Variants in TTN observed in about 807,000 individuals in gnomAD.
TTN encodes the protein titin.
Under a neutral mutation model 3,223.0 loss-of-function variants are expected in TTN, and 1,525 were observed. The ratio of observed to expected loss-of-function variants is 0.47; its 90% CI spans 0.45 to 0.49. The LOEUF (loss-of-function observed/expected upper bound fraction) is 0.49. Among genes scored for constraint, TTN ranks in the 20% least tolerant of loss-of-function variants. TTN has a pLI of 0.00. For synonymous variants in TTN, 14,094 were observed against 15,161.0 expected (o/e 0.93, Z 5.17); for missense variants, 40,786 against 43,424.0 (o/e 0.94, Z 5.40).
At chr2:178,631,397 A>G in intron 236 of TTN, 97 bp from the exon 237 acceptor site, 5 of 1,312,688 alleles carry the variant, frequency 3.8e-6, no homozygotes, top group Non-Finnish European at 5.1e-6. Context: ...AGTTCTGAGT[A>G]TCTTTTAAAA....
intron 137 of TTN, 72 bp downstream of exon 137, chr2:178,681,304 C>T (rs1025599951): frequency 2.7e-5 from 40 of 1,480,634 alleles, no homozygotes; most frequent in Middle Eastern, 1.7e-4. Context: ...GACCATCAGA[C>T]GGGCTAGGAA....
Position 178,605,484 on chromosome 2 carries a change from G to T in TTN, c.53811C>A (p.Val17937=). ...TTTCACCAATTTCATTGACAGCTTT[G>T]ACACGGAACTCATACATTTGGTGTT... ...LDEHQMYEFR[V]KAVNEIGESE... Residue 17937 remains valine, a synonymous_variant, in exon 279 of 363, where the codon GTC becomes GTA. Transcript: ENST00000589042. 6.2e-7 allele frequency: 1 copy of T among 1,612,054 alleles called. No individual in the cohort carries two copies. Among genetic ancestry groups the T allele is most frequent in the South Asian group, 1.1e-5 (1 of 90,882 alleles).
At position 178,610,985 on chromosome 2, in the gene TTN, A is replaced by ATGAT. The variant is rs1294821357; in HGVS notation, c.51136+4_51136+7dup. ...AGAATGTCTGGTTTTTCTTCAAAGA[A>ATGAT]TGATTACCTATGACTTTGACATTGA... On this transcript the variant is annotated splice_region_variant and intron_variant, in intron 270 of 362. Transcript: ENST00000589042. 6.2e-7 allele frequency: 1 copy of ATGAT among 1,610,344 alleles called. No individual in the cohort carries two copies.
At chr2:178,583,949 G>A in intron 311 of TTN, 43 bp from the exon 312 acceptor site, 1 of 1,460,076 alleles carries the variant, frequency 6.8e-7, no homozygotes, top group South Asian at 1.5e-5. Context: ...CTTACCAGCA[G>A]AAGTTTAAAC....
intron 47 of TTN, chr2:178,751,334 A>C: frequency 6.2e-7 from 1 of 1,609,772 alleles, no homozygotes; most frequent in Non-Finnish European, 8.5e-7. Context: ...ACTTTCACCT[A>C]CATTAAGCCA....
chr2:178,635,932 G>A lies in TTN; in HGVS notation c.41608+31C>T, dbSNP rs758781375. The A allele has an allele frequency of 4.5e-6, 7 of 1,551,904 alleles. No homozygotes were observed. The South Asian group carries it at 5.0e-5, about 11-fold the overall frequency. ...TTCCATTTTCTTAGTGTAACAATAA[G>A]CAGAACGAAATCTCCCAGGAAAGTA... On this transcript the variant is annotated intron_variant, in intron 226 of 362. Transcript: ENST00000589042.
intron 214 of TTN, 36 bp from the exon 215 acceptor site, chr2:178,647,180 T>G (rs1288236054): frequency 6.2e-6 from 8 of 1,286,418 alleles, no homozygotes; most frequent in Non-Finnish European, 8.4e-6. Flanking sequence ...TAGACTATAT[T>G]TAGAACAGAA....
In TTN at chr2:178,530,238, T is replaced by C. The variant is rs976515961; in HGVS notation, c.106374+3A>G. The C allele has an allele frequency of 3.1e-6, 5 of 1,589,662 alleles. No individual in the cohort carries two copies. The highest frequency in any genetic ancestry group is 4.3e-6 in the Non-Finnish European group (5 of 1,169,354). Reference sequence around the variant, plus strand: ...AAGAAAGAGACATTTAAGAACTGGTTACCTTTCCATCTTTTGTCCAGATGG... The same window carrying C: ...AAGAAAGAGACATTTAAGAACTGGTCACCTTTCCATCTTTTGTCCAGATGG... On this transcript the variant is annotated splice_donor_region_variant and intron_variant, in intron 358 of 362. Coordinates refer to ENST00000589042, the MANE Select transcript of TTN (RefSeq NM_001267550.2).
At position 178,770,310 on chromosome 2, in the gene TTN, G is replaced by T. The variant is rs754702632; in HGVS notation, c.8391C>A (p.Ile2797=). The change falls in exon 36 of 363, where the codon ATC becomes ATA. Residue 2797 remains isoleucine (I), a synonymous_variant. Coordinates refer to ENST00000589042, the MANE Select transcript of TTN (RefSeq NM_001267550.2). The part of the protein sequence containing the change: ...SARLHVETVK[I]IKKPKDVTAL... ...CTGTCACATCCTTTGGCTTTTTAATGATCTTGACAGCTAAGAGGAAAATTG... is the reference window on the plus strand; with the variant it reads ...CTGTCACATCCTTTGGCTTTTTAATTATCTTGACAGCTAAGAGGAAAATTG... 3 of 1,614,112 alleles carry T rather than the reference G, an allele frequency of 1.9e-6. No individual in the cohort carries two copies. In the South Asian group the frequency reaches 3.3e-5, roughly 18 times the overall value.
intron 99 of TTN, among the ~76,000 whole-genome samples, chr2:178,708,214 C>A (rs762364022): frequency 6.6e-6 from 1 of 152,136 alleles, no homozygotes; most frequent in Non-Finnish European, 1.5e-5. Context: ...TTATCTCCAG[C>A]GGCAATGATT....
intron 204 of TTN, 54 bp from the exon 205 acceptor site, chr2:178,652,021 T>C: frequency 1.2e-6 from 2 of 1,610,746 alleles, no homozygotes; most frequent in Non-Finnish European, 8.5e-7. Flanking sequence ...CTGAGATAGT[T>C]TGCAAAAAAA....
Position 178,559,574 on chromosome 2 carries a change from G to C in TTN, c.86558C>G (p.Thr28853Ser). 1 of 1,613,854 alleles carries C rather than the reference G, an allele frequency of 6.2e-7. No individual in the cohort carries two copies. Among genetic ancestry groups the C allele is most frequent in the African/African-American group, 1.3e-5 (1 of 75,054 alleles). Residue 28853 changes from threonine to serine, a missense_variant, in exon 326 of 363, where the codon ACT becomes AGT. Transcript: ENST00000589042. Reference protein sequence around the residue: ...LDTPGPPTNITVQDVTKESAV... With the variant: ...LDTPGPPTNISVQDVTKESAV... The stretch of plus-strand genomic sequence containing the variant: ...AGACTCTTTGGTTACATCTTGCACA[G>C]TAATGTTGGTTGGAGGACCTGGGGT...
Position 178,529,199 on chromosome 2 carries a change from G to T in TTN, c.106552C>A (p.Gln35518Lys), listed in dbSNP as rs759623627. ...GAAGTCTTTTGTGTAGAGACTTTCT[G>T]TGCCTCAGTATCTTTTATAGCTAAA... ...TIKAIKDTEA[Q>K]KVSTQKTSEI... Residue 35518 changes from glutamine (Q) to lysine (K), a missense_variant, in exon 360 of 363, where the codon CAG becomes AAG. Physicochemically the swap from Gln to Lys is moderately conservative, Grantham distance 53. Coordinates refer to ENST00000589042, the MANE Select transcript of TTN (RefSeq NM_001267550.2). 2.7e-6 allele frequency: 4 copies of T among 1,497,044 alleles called. No individual in the cohort carries two copies. The South Asian group carries it at 5.6e-5, about 21-fold the overall frequency. 92.7% of individuals were successfully genotyped at this position (1,497,044 alleles called of 1,614,324 possible). A position where few individuals can be genotyped will look rare whatever the true frequency, so the allele number is the denominator to read the frequency against.
rs1213561769 is a variant in TTN at position 178,588,954 on chromosome 2, G to A, written c.62771C>T (p.Thr20924Ile). The change falls in exon 304 of 363, where the codon ACA becomes ATA. Residue 20924 changes from threonine (T) to isoleucine (I), a missense_variant. Transcript: ENST00000589042. ...YSATVLTPGT[T>I]VTRLIEGNEY... ...ATTTCCTTCTATGAGACGTGTTACTGTAGTACCAGGTGTCAAGACAGTAGC... is the reference window on the plus strand; with the variant it reads ...ATTTCCTTCTATGAGACGTGTTACTATAGTACCAGGTGTCAAGACAGTAGC... 2.5e-6 allele frequency: 4 copies of A among 1,612,610 alleles called. No homozygotes were observed. The highest frequency in any genetic ancestry group is 2.2e-5 in the South Asian group (2 of 91,038).
At chr2:178,665,967 C>G (rs1386515450) in intron 163 of TTN, among the ~76,000 whole-genome samples, 176 bp from the exon 164 acceptor site, 1 of 152,046 alleles carries the variant, frequency 6.6e-6, no homozygotes, top group Admixed American at 6.6e-5. Context: ...TTCTTGGTCA[C>G]CTCAGGCACT....
chr2:178,738,448 G>A, intron 48 of TTN, 88 bp from the exon 49 acceptor site: 2 of 1,430,668 alleles, frequency 1.4e-6, no homozygotes, highest in Non-Finnish European at 1.9e-6. Context: ...TGCTGTTAAT[G>A]GAGTAAAACA....
rs140953779 is a variant in TTN, at chr2:178,782,908, G to A, written c.2998C>T (p.Leu1000Phe). Residue 1000 changes from leucine (L) to phenylalanine (F), a missense_variant, in exon 18 of 363, where the codon CTT becomes TTT. Coordinates refer to ENST00000589042, the MANE Select transcript of TTN (RefSeq NM_001267550.2). The stretch of plus-strand genomic sequence containing the variant: ...TCCGCAAATGCTTCGCGAATCATAA[G>A]ACGAGCAATTCCACTCTGGAAGGTT... ...QITFQSGIAR[L>F]MIREAFAEDS... The A allele has an allele frequency of 6.8e-6, 11 of 1,614,094 alleles. No individual in the cohort carries two copies. In the African/African-American group the frequency reaches 1.3e-4, roughly 20 times the overall value.
At chr2:178,702,714 C>A in intron 106 of TTN, 51 bp from the exon 107 acceptor site, 2 of 1,468,718 alleles carry the variant, frequency 1.4e-6, no homozygotes, top group South Asian at 1.4e-5. Context: ...AGAGGAATTT[C>A]TTTTACTTGC....
At position 178,559,559 on chromosome 2, in the gene TTN, G is replaced by A. The variant is rs1456110995; in HGVS notation, c.86573C>T (p.Thr28858Ile). Residue 28858 changes from threonine to isoleucine, a missense_variant, in exon 326 of 363, where the codon ACC becomes ATC. Physicochemically the swap from Thr to Ile is moderately conservative, Grantham distance 89. Coordinates refer to ENST00000589042, the MANE Select transcript of TTN (RefSeq NM_001267550.2). ...CCAGGATAACACTGCAGACTCTTTG[G>A]TTACATCTTGCACAGTAATGTTGGT... ...PPTNITVQDVTKESAVLSWDV... is the reference protein window; with the variant it reads ...PPTNITVQDVIKESAVLSWDV... 1 of 1,613,786 alleles carries A rather than the reference G, an allele frequency of 6.2e-7. No homozygotes were observed. Among genetic ancestry groups the A allele is most frequent in the South Asian group, 1.1e-5 (1 of 91,072 alleles).
Sources: allele counts gnomAD v4.1 joint callset (sites outside exome capture counted in the v4.1 genomes callset), GRCh38; gene constraint gnomAD v4.1.1; transcripts MANE v1.5; gene names NCBI Gene and HGNC (gene_info 2026-07-23, HGNC 2026-07-21).